Variants in ITGA1 observed in about 807,000 individuals in gnomAD.
The protein encoded by ITGA1 is integrin subunit alpha 1.
ITGA1 carries 85 observed loss-of-function variants against 145.9 expected under a neutral mutation model. The observed-to-expected ratio is 0.58, with a 90% CI of 0.49 to 0.70. The LOEUF is 0.70. Among genes scored for constraint, ITGA1 ranks in the 30% least tolerant of loss-of-function variants. The probability of loss-of-function intolerance (pLI) is 0.00; values close to 1 mark genes in which losing one functional copy is unlikely to be tolerated. For missense variants in ITGA1, 1,351 were observed against 1,418.7 expected (o/e 0.95, Z 0.77); for synonymous variants, 520 against 495.3 (o/e 1.05, Z -0.66).
At chr5:52,865,559 TA>T in intron 5 of ITGA1, 130 bp from the exon 6 acceptor site, 2 of 684,896 alleles carry the variant, frequency 2.9e-6, no homozygotes, top group South Asian at 4.5e-5. Context: ...TTTTTATTGC[TA>T]AAACAATGTG....
At chr5:52,815,117 A>G (rs2111692590) in intron 1 of ITGA1, among the ~76,000 whole-genome samples, 1 of 152,334 alleles carries the variant, frequency 6.6e-6, no homozygotes, top group African/African-American at 2.4e-5. Flanking sequence ...AAAATCAGCT[A>G]GCAAATATAT....
At chr5:52,877,108 T>TA (rs1264450400) in intron 6 of ITGA1, among the ~76,000 whole-genome samples, 2 of 152,218 alleles carry the variant, frequency 1.3e-5, no homozygotes, top group Non-Finnish European at 2.9e-5. Flanking sequence ...TATCTATTTT[T>TA]AAAAAATTAG....
At chr5:52,894,831 A>C (rs890115406) in intron 9 of ITGA1, among the ~76,000 whole-genome samples, 2 of 152,212 alleles carry the variant, frequency 1.3e-5, no homozygotes, top group Admixed American at 1.3e-4. Context: ...ACTGAAAAAA[A>C]GTAGACCATT....
intron 17 of ITGA1, among the ~76,000 whole-genome samples, chr5:52,922,255 C>T (rs1456725369): frequency 1.3e-5 from 2 of 152,122 alleles, no homozygotes; most frequent in African/African-American, 4.8e-5. Flanking sequence ...GAGCCGAGAT[C>T]GTGCCGCTGT....
chr5:52,804,096 CAAT>C (rs769165125), intron 1 of ITGA1: 3 of 151,872 alleles, frequency 2.0e-5, no homozygotes, highest in Non-Finnish European at 4.4e-5. Context: ...GTGAAAATGT[CAAT>C]AATGATAGGA....
At chr5:52,844,177 G>A (rs1164622847) in intron 1 of ITGA1, among the ~76,000 whole-genome samples, 1 of 152,066 alleles carries the variant, frequency 6.6e-6, no homozygotes, top group Non-Finnish European at 1.5e-5. Flanking sequence ...ATGGGAGCAA[G>A]TCTTTTCATT....
intron 1 of ITGA1, among the ~76,000 whole-genome samples, chr5:52,805,243 G>T (rs1160343758): frequency 2.0e-5 from 3 of 152,072 alleles, no homozygotes; most frequent in African/African-American, 7.2e-5. Flanking sequence ...AAGGAGTTTG[G>T]GTTTGACCAT....
chr5:52,893,798 A>G lies in ITGA1; in HGVS notation c.1048A>G (p.Thr350Ala), dbSNP rs752059812. The G allele has an allele frequency of 6.2e-7, 1 of 1,612,628 alleles. No individual in the cohort carries two copies. The highest frequency in any genetic ancestry group is 1.1e-5 in the South Asian group (1 of 90,964). Residue 350 changes from threonine to alanine, a missense_variant, in exon 9 of 29, where the codon ACC becomes GCC. Physicochemically the swap from Thr to Ala is moderately conservative, Grantham distance 58. Transcript: ENST00000282588. Reference sequence around the variant, plus strand: ...TGTCTCTGATGAATTGGCTCTAGTCACCATTGTTAAAACTCTGGGAGAAAG... The same window carrying G: ...TGTCTCTGATGAATTGGCTCTAGTCGCCATTGTTAAAACTCTGGGAGAAAG... ...FNVSDELALV[T>A]IVKTLGERIF...
chr5:52,924,889 A>C (rs1194660589), intron 18 of ITGA1, among the ~76,000 whole-genome samples: 1 of 152,224 alleles, frequency 6.6e-6, no homozygotes, highest in Non-Finnish European at 1.5e-5. Context: ...CACCCTCTCA[A>C]CTGAGCTTTA....
rs998668623 is a variant in ITGA1 at position 52,912,084 on chromosome 5, A to G, written c.1857+1665A>G. On this transcript the variant is annotated intron_variant, in intron 14 of 28. Coordinates refer to ENST00000282588, the MANE Select transcript of ITGA1 (RefSeq NM_181501.2). ...TATATACACACACTATATATAGTAT[A>G]TAGATACACTATATATAGCGTATCT... Among the ~76,000 whole-genome samples, 3 of 142,160 alleles carry G rather than the reference A, an allele frequency of 2.1e-5. No individual in the cohort carries two copies. In the South Asian group the frequency reaches 6.8e-4, roughly 32 times the overall value. The allele number at this position is 142,160 out of a possible 152,430, so 93.3% of individuals were successfully genotyped here. A position where few individuals can be genotyped will look rare whatever the true frequency, so the allele number is the denominator to read the frequency against.
chr5:52,800,112 G>T, intron 1 of ITGA1: 1 of 397,726 alleles, frequency 2.5e-6, no homozygotes, highest in Non-Finnish European at 4.6e-6. Flanking sequence ...TCAGCCCGCT[G>T]TTGCGTGCTG....
intron 1 of ITGA1, chr5:52,825,166 CT>C (rs1431633948): frequency 6.6e-6 from 1 of 152,132 alleles, no homozygotes; most frequent in African/African-American, 2.4e-5. Flanking sequence ...TAACATGCCG[CT>C]TTAAATAATA....
At chr5:52,951,531 A>G (rs1237798679) in intron 28 of ITGA1, among the ~76,000 whole-genome samples, 4 of 152,124 alleles carry the variant, frequency 2.6e-5, no homozygotes, top group Non-Finnish European at 4.4e-5. Context: ...ATGGTCAACA[A>G]CTTCATTTTT....
At chr5:52,803,426 A>G (rs1748528304) in intron 1 of ITGA1, 1 of 152,174 alleles carries the variant, frequency 6.6e-6, no homozygotes, top group Non-Finnish European at 1.5e-5. Flanking sequence ...GATTGTTATT[A>G]TATTTTCAGT....
intron 15 of ITGA1, 32 bp from the exon 16 acceptor site, chr5:52,918,700 T>A: frequency 6.3e-7 from 1 of 1,585,382 alleles, no homozygotes; most frequent in Non-Finnish European, 8.6e-7. Context: ...AATGTAAAAA[T>A]GTGTGAGTAA....
At chr5:52,840,082 C>T (rs1749228571) in intron 1 of ITGA1, among the ~76,000 whole-genome samples, 1 of 152,128 alleles carries the variant, frequency 6.6e-6, no homozygotes, top group Non-Finnish European at 1.5e-5. Flanking sequence ...TACCTCTTTG[C>T]TTTACTGACC....
chr5:52,914,514 T>A (rs1750612261), intron 14 of ITGA1, among the ~76,000 whole-genome samples: 1 of 151,234 alleles, frequency 6.6e-6, no homozygotes, highest in Non-Finnish European at 1.5e-5. Context: ...CGCGCACCTG[T>A]AATCCCAGCT....
chr5:52,826,922 T>C (rs1276485006), intron 1 of ITGA1, among the ~76,000 whole-genome samples: 1 of 152,176 alleles, frequency 6.6e-6, no homozygotes, highest in East Asian at 1.9e-4. Context: ...CAAGATTCAT[T>C]CTGTACCCAT....
chr5:52,800,533 G>A, intron 1 of ITGA1: 1 of 1,614,118 alleles, frequency 6.2e-7, no homozygotes, highest in Non-Finnish European at 8.5e-7. Flanking sequence ...CATCCGCAAG[G>A]TACAGACAGA....
Sources: gnomAD v4.1 joint callset for allele counts (sites outside exome capture counted in the v4.1 genomes callset) on GRCh38, gnomAD v4.1.1 for gene constraint, MANE v1.5 for transcripts, NCBI Gene and HGNC (gene_info 2026-07-23, HGNC 2026-07-21) for gene names.